Variants in INSL6 observed in about 807,000 individuals in gnomAD.
INSL6 encodes insulin like 6.
INSL6 carries 16 observed loss-of-function variants against 9.4 expected under a neutral mutation model. The ratio of observed to expected loss-of-function variants is 1.70; its 90% CI spans 1.15 to 2.59. The LOEUF (loss-of-function observed/expected upper bound fraction) is 2.59, where lower values mean the gene tolerates loss of function less well. Among genes scored for constraint, INSL6 ranks in the 30% most tolerant of loss-of-function variants. The pLI, the probability that INSL6 is intolerant of heterozygous loss-of-function variation, is 0.00. For missense variants in INSL6, 391 were observed against 257.3 expected, an observed-to-expected ratio of 1.52 and a Z score of -3.56; for synonymous variants, 154 against 96.9, an observed-to-expected ratio of 1.59 and a Z score of -3.46.
At chr9:5,095,214 C>T in the INSL6 span, among the ~76,000 whole-genome samples, 1 of 151,990 alleles carries the variant, frequency 6.6e-6, no homozygotes, top group African/African-American at 2.4e-5. Flanking sequence ...TTGGTTATAC[C>T]CTTCCCATAC....
the INSL6 span, among the ~76,000 whole-genome samples, chr9:5,060,646 T>A: frequency 6.6e-6 from 1 of 152,138 alleles, no homozygotes; most frequent in Non-Finnish European, 1.5e-5. Flanking sequence ...TACCACATCC[T>A]AGTGACTTCC....
At chr9:5,042,743 G>A in the INSL6 span, among the ~76,000 whole-genome samples, 1 of 152,208 alleles carries the variant, frequency 6.6e-6, no homozygotes, top group African/African-American at 2.4e-5. Flanking sequence ...AGGGACACAG[G>A]CATTGCTGCC....
the INSL6 span, among the ~76,000 whole-genome samples, chr9:5,113,216 T>C: frequency 7.3e-6 from 1 of 136,570 alleles, no homozygotes; most frequent in Non-Finnish European, 1.5e-5. Context: ...TTTTTTTTTT[T>C]TTTCCAGTAA....
chr9:5,053,721 A>C, the INSL6 span, among the ~76,000 whole-genome samples: 2 of 151,934 alleles, frequency 1.3e-5, no homozygotes, highest in Admixed American at 6.6e-5. Flanking sequence ...TGGGATTAAG[A>C]GATTTTACAT....
At chr9:5,003,368 T>A in the INSL6 span, among the ~76,000 whole-genome samples, 2 of 152,008 alleles carry the variant, frequency 1.3e-5, no homozygotes, top group Non-Finnish European at 2.9e-5. Flanking sequence ...TCTATCCCTC[T>A]CTTATTTAGC....
At chr9:5,127,524 T>C (rs1824076352) in intron 3 of INSL6, 1 of 231,274 alleles carries the variant, frequency 4.3e-6, no homozygotes, top group East Asian at 6.1e-5. Flanking sequence ...TCTATTTTAT[T>C]ATGGTTTCCC....
At chr9:5,006,132 A>T in the INSL6 span, among the ~76,000 whole-genome samples, 1 of 152,048 alleles carries the variant, frequency 6.6e-6, no homozygotes, top group African/African-American at 2.4e-5. Context: ...ATGAGCATGG[A>T]ATGTTCTTCC....
At chr9:5,075,430 T>C in the INSL6 span, among the ~76,000 whole-genome samples, 3 of 151,818 alleles carry the variant, frequency 2.0e-5, no homozygotes, top group Non-Finnish European at 3.0e-5. Context: ...GCCAATGCCA[T>C]TGGTGATTTG....
intron 2 of INSL6, among the ~76,000 whole-genome samples, chr9:5,134,714 T>A (rs905897644): frequency 1.3e-5 from 2 of 152,102 alleles, no homozygotes; most frequent in Admixed American, 6.5e-5. Context: ...GAACAACCGG[T>A]ACCAGCCACT....
At chr9:5,012,345 A>G in the INSL6 span, among the ~76,000 whole-genome samples, 3 of 152,150 alleles carry the variant, frequency 2.0e-5, no homozygotes, top group Non-Finnish European at 4.4e-5. Flanking sequence ...TTCTTTGACA[A>G]TGCCTTCAAA....
chr9:5,156,792 A>C (rs1824822633), intron 2 of INSL6, among the ~76,000 whole-genome samples: 1 of 152,228 alleles, frequency 6.6e-6, no homozygotes, highest in Non-Finnish European at 1.5e-5. Flanking sequence ...ATCTAATGAA[A>C]TATTAACAAG....
chr9:5,155,156 T>A (rs1252238703), intron 2 of INSL6, among the ~76,000 whole-genome samples: 3 of 151,660 alleles, frequency 2.0e-5, no homozygotes, highest in Non-Finnish European at 4.4e-5. Context: ...TAAAAAATGA[T>A]GAGTTCATGT....
chr9:5,051,430 T>TGG, the INSL6 span, among the ~76,000 whole-genome samples: 3 of 152,026 alleles, frequency 2.0e-5, no homozygotes, highest in Non-Finnish European at 4.4e-5. Context: ...TAGACTCACG[T>TGG]GGGGGAGCCT....
At chr9:5,048,270 T>C in the INSL6 span, among the ~76,000 whole-genome samples, 1 of 152,084 alleles carries the variant, frequency 6.6e-6, no homozygotes, top group Non-Finnish European at 1.5e-5. Context: ...GCCTCCCTAG[T>C]AGCTGGGATT....
chr9:5,067,590 A>G, the INSL6 span, among the ~76,000 whole-genome samples: 1 of 152,048 alleles, frequency 6.6e-6, no homozygotes, highest in Non-Finnish European at 1.5e-5. Context: ...AATCTATCCT[A>G]ATTTCAAAGT....
intron 2 of INSL6, among the ~76,000 whole-genome samples, chr9:5,142,516 G>A (rs769023828): frequency 6.6e-6 from 1 of 152,176 alleles, no homozygotes; most frequent in Non-Finnish European, 1.5e-5. Flanking sequence ...GTTGTTAAGT[G>A]TACTGAAATG....
the INSL6 span, among the ~76,000 whole-genome samples, chr9:5,049,063 T>C: frequency 1.2e-4 from 18 of 152,226 alleles, no homozygotes; most frequent in Non-Finnish European, 2.1e-4. Flanking sequence ...CTTCATTCTT[T>C]AGACAATATA....
the INSL6 span, chr9:5,077,580 A>G: frequency 1.4e-6 from 2 of 1,475,010 alleles, no homozygotes; most frequent in Non-Finnish European, 1.8e-6. Flanking sequence ...TGCATTTTCT[A>G]GTAAGTAGTA....
At chr9:5,051,940 AAATCTAGAAG>A in the INSL6 span, among the ~76,000 whole-genome samples, 1 of 152,134 alleles carries the variant, frequency 6.6e-6, no homozygotes, top group Non-Finnish European at 1.5e-5. Flanking sequence ...AGGAACTCAG[AAATCTAGAAG>A]ATTCCAAAGC....
Sources: allele counts gnomAD v4.1 joint callset (sites outside exome capture counted in the v4.1 genomes callset), GRCh38; gene constraint gnomAD v4.1.1; transcripts MANE v1.5; gene names NCBI Gene and HGNC (gene_info 2026-07-23, HGNC 2026-07-21).